The following VAV1 variants were observed in gnomAD, a reference collection of about 807,000 sequenced individuals.
VAV1 encodes the protein proto-oncogene vav.
Under a neutral mutation model 128.1 loss-of-function variants are expected in VAV1, and 33 were observed. The ratio of observed to expected loss-of-function variants is 0.26; its 90% confidence interval spans 0.20 to 0.34. The LOEUF (loss-of-function observed/expected upper bound fraction) is 0.34. VAV1 is among the 10% of genes least tolerant of loss of function. The pLI, the probability that VAV1 is intolerant of heterozygous loss-of-function variation, is 1.00. For missense variants in VAV1, 715 were observed against 1,093.7 expected (o/e 0.65, Z 4.88); for synonymous variants, 394 against 409.8 (o/e 0.96, Z 0.47).
At chr19:6,814,019 C>T (rs1971568942) in intron 1 of VAV1, among the ~76,000 whole-genome samples, 1 of 152,078 alleles carries the variant, frequency 6.6e-6, no homozygotes, top group Non-Finnish European at 1.5e-5. Context: ...ATGATCGTGC[C>T]ACTCCACTCC....
At chr19:6,832,263 G>T in intron 15 of VAV1, 63 bp downstream of exon 15, 1 of 1,488,500 alleles carries the variant, frequency 6.7e-7, no homozygotes, top group Non-Finnish European at 9.3e-7. Flanking sequence ...AAGGAGGAAC[G>T]TGATCTAGTC....
At chr19:6,831,514 A>G (rs1972053997) in intron 14 of VAV1, among the ~76,000 whole-genome samples, 1 of 152,112 alleles carries the variant, frequency 6.6e-6, no homozygotes, top group South Asian at 2.1e-4. Context: ...GAGTTTCACC[A>G]CATTGGTCAG....
intron 1 of VAV1, among the ~76,000 whole-genome samples, chr19:6,806,433 G>A (rs1169041726): frequency 6.6e-6 from 1 of 152,134 alleles, no homozygotes; most frequent in Non-Finnish European, 1.5e-5. Flanking sequence ...CGTTTTGGAA[G>A]AGAAGCAAAC....
intron 1 of VAV1, chr19:6,784,191 C>G: frequency 1.6e-6 from 1 of 624,776 alleles, no homozygotes. Context: ...GAGTTTGATG[C>G]TGCAGTGAGC....
chr19:6,794,366 G>A lies in VAV1; in HGVS notation c.204+21355G>A, dbSNP rs148954420. ...ACTGAAGAGGAAAACCAGGCCAGGC[G>A]TGGTGGCCCATGCCTGTAATTTCAG... On this transcript the variant is annotated intron_variant, in intron 1 of 26. Coordinates refer to ENST00000602142, the MANE Select transcript of VAV1 (RefSeq NM_005428.4). Among the ~76,000 whole-genome samples the A allele has an allele frequency of 4.3e-4, 65 of 152,286 alleles. No individual in the cohort carries two copies. In the East Asian group the frequency reaches 0.012, roughly 27 times the overall value.
intron 6 of VAV1, among the ~76,000 whole-genome samples, chr19:6,824,023 G>A (rs906880647): frequency 2.7e-5 from 4 of 149,342 alleles, no homozygotes; most frequent in Non-Finnish European, 6.0e-5. Context: ...CTGCAGCCTC[G>A]AACTCCTGGG....
intron 9 of VAV1, chr19:6,827,010 C>T (rs1056622996): frequency 5.4e-6 from 2 of 367,882 alleles, no homozygotes; most frequent in African/African-American, 4.0e-5. Flanking sequence ...GATTGTACCC[C>T]AAGTCGGGCT....
intron 26 of VAV1, among the ~76,000 whole-genome samples, chr19:6,854,936 A>C (rs1480447514): frequency 6.6e-6 from 1 of 152,172 alleles, no homozygotes; most frequent in Non-Finnish European, 1.5e-5. Context: ...CCCTGGGGTG[A>C]GAGGTGCCTA....
chr19:6,833,462 T>C, intron 16 of VAV1, 66 bp from the exon 17 acceptor site: 1 of 1,490,912 alleles, frequency 6.7e-7, no homozygotes. Flanking sequence ...TTTATGTTTT[T>C]AGCAGAATAT....
chr19:6,817,951 G>A (rs1371489129), intron 1 of VAV1, among the ~76,000 whole-genome samples: 1 of 152,194 alleles, frequency 6.6e-6, no homozygotes, highest in Admixed American at 6.6e-5. Context: ...CTCCCAAAGT[G>A]CTGGGATTAC....
chr19:6,802,693 C>T (rs1391595085), intron 1 of VAV1, among the ~76,000 whole-genome samples: 1 of 152,154 alleles, frequency 6.6e-6, no homozygotes, highest in African/African-American at 2.4e-5. Context: ...TAAGAGGCAC[C>T]AGGAGCAGCT....
intron 24 of VAV1, 90 bp from the exon 25 acceptor site, chr19:6,852,875 A>T: frequency 1.0e-6 from 1 of 990,400 alleles, no homozygotes; most frequent in South Asian, 1.4e-5. Context: ...GGCCTGCTTC[A>T]TGTGAGGAGT....
chr19:6,839,510 T>A (rs940629104), intron 21 of VAV1, among the ~76,000 whole-genome samples: 1 of 151,686 alleles, frequency 6.6e-6, no homozygotes, highest in African/African-American at 2.4e-5. Context: ...TCAAATGATC[T>A]GCCTGCCTCG....
intron 1 of VAV1, among the ~76,000 whole-genome samples, chr19:6,793,493 G>A (rs1388951815): frequency 6.6e-6 from 1 of 152,044 alleles, no homozygotes; most frequent in Non-Finnish European, 1.5e-5. Flanking sequence ...GTCTTGGGCG[G>A]CGGCAAGACA....
intron 1 of VAV1, among the ~76,000 whole-genome samples, chr19:6,776,520 T>TCATCCATCCATCCATC (rs367861307): frequency 6.3e-4 from 40 of 63,054 alleles, no homozygotes; most frequent in African/African-American, 1.7e-3. Context: ...ATCCATCCTC[T>TCATCCATCCATCCATC]CATCCATCCA....
At chr19:6,789,257 CTTCT>C (rs1370407462) in intron 1 of VAV1, among the ~76,000 whole-genome samples, 1 of 150,508 alleles carries the variant, frequency 6.6e-6, no homozygotes, top group Non-Finnish European at 1.5e-5. Context: ...TCTCTCCTTT[CTTCT>C]TTTTTTTTTT....
intron 1 of VAV1, among the ~76,000 whole-genome samples, chr19:6,789,260 CT>C (rs771682522): frequency 1.7e-3 from 249 of 144,512 alleles, no homozygotes; most frequent in Middle Eastern, 3.5e-3. Context: ...CTCCTTTCTT[CT>C]TTTTTTTTTT....
chr19:6,773,355 C>T (rs914894098), intron 1 of VAV1, among the ~76,000 whole-genome samples: 3 of 152,122 alleles, frequency 2.0e-5, no homozygotes, highest in Non-Finnish European at 4.4e-5. Context: ...CTCCCCAGAA[C>T]CCCCAGGGTG....
At chr19:6,782,191 G>A (rs1333274875) in intron 1 of VAV1, among the ~76,000 whole-genome samples, 1 of 152,030 alleles carries the variant, frequency 6.6e-6, no homozygotes, top group African/African-American at 2.4e-5. Flanking sequence ...TTAGCCGGGT[G>A]TGCTGGTGGG....
Sources: allele counts gnomAD v4.1 joint callset (sites outside exome capture counted in the v4.1 genomes callset), GRCh38; gene constraint gnomAD v4.1.1; transcripts MANE v1.5; gene names NCBI Gene and HGNC (gene_info 2026-07-23, HGNC 2026-07-21).